Variants in PTPRD observed in about 807,000 individuals in gnomAD.
PTPRD encodes protein tyrosine phosphatase receptor type D.
A neutral mutation model predicts 214.5 loss-of-function variants in PTPRD; 34 were observed. The observed-to-expected ratio is 0.16, with a 90% confidence interval of 0.12 to 0.21. PTPRD has a LOEUF of 0.21. Among genes scored for constraint, PTPRD ranks in the 10% least tolerant of loss-of-function variants. PTPRD has a pLI of 1.00. For missense variants in PTPRD, 2,545 were observed against 2,398.7 expected (o/e 1.06, Z -1.27); for synonymous variants, 1,128 against 845.7 (o/e 1.33, Z -5.79).
At chr9:9,247,104 C>T in intron 9 of PTPRD, among the ~76,000 whole-genome samples, 1 of 151,996 alleles carries the variant, frequency 6.6e-6, no homozygotes, top group East Asian at 1.9e-4. Flanking sequence ...GTCACTCTAG[C>T]CTTCTTCCAC....
chr9:9,847,892 A>T (rs7858919), intron 5 of PTPRD, among the ~76,000 whole-genome samples: 1 of 151,872 alleles, frequency 6.6e-6, no homozygotes, highest in African/African-American at 2.4e-5. Flanking sequence ...TGTACATCAC[A>T]CTTTTTAAAA....
At chr9:9,990,345 G>T (rs368069317) in intron 4 of PTPRD, among the ~76,000 whole-genome samples, 4 of 152,156 alleles carry the variant, frequency 2.6e-5, no homozygotes, top group Non-Finnish European at 4.4e-5. Flanking sequence ...TACAATGTAC[G>T]TTTGGCCCAG....
chr9:9,730,605 T>C (rs543980117), intron 7 of PTPRD, among the ~76,000 whole-genome samples: 3 of 152,236 alleles, frequency 2.0e-5, no homozygotes, highest in Non-Finnish European at 2.9e-5. Context: ...GAGCTCCAGA[T>C]CAGGGTTACT....
intron 14 of PTPRD, among the ~76,000 whole-genome samples, chr9:8,577,446 G>T (rs879676002): frequency 8.6e-5 from 13 of 151,964 alleles, no homozygotes; most frequent in South Asian, 6.2e-4. Flanking sequence ...GTACAGACAG[G>T]GTTTCTCCAT....
At chr9:8,756,306 G>C (rs1434908281) in intron 11 of PTPRD, among the ~76,000 whole-genome samples, 1 of 152,112 alleles carries the variant, frequency 6.6e-6, no homozygotes, top group East Asian at 1.9e-4. Context: ...GCTAGGTTTT[G>C]TTGTCATTGT....
intron 8 of PTPRD, among the ~76,000 whole-genome samples, chr9:9,493,806 A>AAGAAAAG (rs1555480379): frequency 1.4e-5 from 2 of 143,686 alleles, no homozygotes; most frequent in South Asian, 2.3e-4. Flanking sequence ...AAAAAAAAAA[A>AAGAAAAG]AAAAGAAAAG....
chr9:9,790,791 T>C (rs1444275621), intron 5 of PTPRD, among the ~76,000 whole-genome samples: 1 of 152,150 alleles, frequency 6.6e-6, no homozygotes, highest in African/African-American at 2.4e-5. Context: ...TTGTAATGTG[T>C]TTCAGTAGTT....
intron 5 of PTPRD, among the ~76,000 whole-genome samples, chr9:9,822,275 G>A (rs1227880843): frequency 1.3e-5 from 2 of 151,358 alleles, no homozygotes; most frequent in Non-Finnish European, 2.9e-5. Flanking sequence ...GCTGGGCATG[G>A]TGGTGCATGC....
intron 9 of PTPRD, among the ~76,000 whole-genome samples, chr9:9,270,947 C>T (rs1291427271): frequency 6.6e-6 from 1 of 151,234 alleles, no homozygotes; most frequent in Non-Finnish European, 1.5e-5. Flanking sequence ...CTTGCATAAA[C>T]ACTGGATTAA....
At chr9:9,947,973 G>A (rs1212136824) in intron 4 of PTPRD, among the ~76,000 whole-genome samples, 1 of 151,812 alleles carries the variant, frequency 6.6e-6, no homozygotes, top group Admixed American at 6.6e-5. Flanking sequence ...TTTCCTTGTT[G>A]CAGGAATATC....
intron 9 of PTPRD, among the ~76,000 whole-genome samples, chr9:9,224,050 G>T (rs1238364168): frequency 6.6e-6 from 1 of 151,958 alleles, no homozygotes; most frequent in Non-Finnish European, 1.5e-5. Flanking sequence ...TGTTGGTTTT[G>T]TACAAGGCCA....
chr9:10,355,501 G>A (rs781176109), intron 2 of PTPRD, among the ~76,000 whole-genome samples: 4 of 143,292 alleles, frequency 2.8e-5, no homozygotes, highest in Non-Finnish European at 6.0e-5. Flanking sequence ...TTTTTGAGAC[G>A]GAGTCTCACT....
intron 35 of PTPRD, among the ~76,000 whole-genome samples, chr9:8,434,236 C>T (rs529672346): frequency 9.2e-5 from 14 of 152,256 alleles, no homozygotes; most frequent in African/African-American, 2.9e-4. Context: ...CCTGCTTTGG[C>T]CTCCAAAATG....
chr9:10,124,814 T>C (rs1457937108), intron 3 of PTPRD, among the ~76,000 whole-genome samples: 1 of 152,234 alleles, frequency 6.6e-6, no homozygotes, highest in East Asian at 1.9e-4. Flanking sequence ...TTTCGCAGAA[T>C]ACAAAATTTT....
At chr9:9,321,134 G>A (rs969303721) in intron 9 of PTPRD, among the ~76,000 whole-genome samples, 5 of 152,056 alleles carry the variant, frequency 3.3e-5, no homozygotes, top group African/African-American at 7.2e-5. Flanking sequence ...TAAAATCTAC[G>A]TATGAAATAA....
At chr9:8,954,912 T>A (rs1268380717) in intron 11 of PTPRD, among the ~76,000 whole-genome samples, 2 of 151,966 alleles carry the variant, frequency 1.3e-5, no homozygotes, top group Non-Finnish European at 2.9e-5. Flanking sequence ...AAGTTGGTTA[T>A]CACTACAGAT....
At chr9:9,645,457 G>GTATATATATATATA (rs150506021) in intron 7 of PTPRD, among the ~76,000 whole-genome samples, 12 of 134,366 alleles carry the variant, frequency 8.9e-5, no homozygotes, top group African/African-American at 3.3e-4. Context: ...CTACATATAT[G>GTATATATATATATA]TATATATATA....
chr9:9,525,148 C>G (rs1018522138), intron 8 of PTPRD, among the ~76,000 whole-genome samples: 1 of 152,204 alleles, frequency 6.6e-6, no homozygotes, highest in African/African-American at 2.4e-5. Flanking sequence ...TGAGCCACCG[C>G]CCGGTCGGGT....
At chr9:8,468,057 C>A (rs2096578770) in intron 31 of PTPRD, among the ~76,000 whole-genome samples, 1 of 151,996 alleles carries the variant, frequency 6.6e-6, no homozygotes, top group Admixed American at 6.6e-5. Flanking sequence ...TCATCCATAT[C>A]ATTGTCATTC....
Sources: gnomAD v4.1 joint callset for allele counts (sites outside exome capture counted in the v4.1 genomes callset) on GRCh38, gnomAD v4.1.1 for gene constraint, MANE v1.5 for transcripts, NCBI Gene and HGNC (gene_info 2026-07-23, HGNC 2026-07-21) for gene names.